The following THSD4 variants were observed in gnomAD, a reference collection of about 807,000 sequenced individuals.
The protein encoded by THSD4 is thrombospondin type-1 domain-containing protein 4.
In THSD4, 69 loss-of-function variants were observed where a neutral mutation model predicts 119.0. That is an observed-to-expected ratio of 0.58 (90% CI 0.48 to 0.71). The LOEUF is 0.71. THSD4 is among the 30% of genes least tolerant of loss of function. The pLI is 0.00. For synonymous variants in THSD4, 524 were observed against 540.4 expected (o/e 0.97, Z 0.42); for missense variants, 1,393 against 1,391.1 (o/e 1.00, Z -0.02).
At chr15:71,385,518 A>G (rs962996095) in intron 6 of THSD4, among the ~76,000 whole-genome samples, 1 of 152,222 alleles carries the variant, frequency 6.6e-6, no homozygotes, top group Non-Finnish European at 1.5e-5. Flanking sequence ...ACAAAAAGGG[A>G]AGGATTGTAC....
chr15:71,300,243 G>A (rs1466547826), intron 6 of THSD4, among the ~76,000 whole-genome samples: 2 of 151,996 alleles, frequency 1.3e-5, no homozygotes, highest in Non-Finnish European at 2.9e-5. Flanking sequence ...AAAAAATAAT[G>A]TGTTTAAGGG....
chr15:71,265,419 A>G (rs1444221416), intron 6 of THSD4, among the ~76,000 whole-genome samples: 1 of 152,106 alleles, frequency 6.6e-6, no homozygotes. Flanking sequence ...GGTGCACTCT[A>G]GCCCAGATAC....
chr15:71,718,792 AC>A (rs1481919897), intron 8 of THSD4, among the ~76,000 whole-genome samples: 1 of 151,724 alleles, frequency 6.6e-6, no homozygotes, highest in Non-Finnish European at 1.5e-5. Context: ...CTGTCCGGTG[AC>A]CCACTCCTCC....
At chr15:71,657,439 CAT>C (rs2051213051) in intron 7 of THSD4, among the ~76,000 whole-genome samples, 1 of 152,174 alleles carries the variant, frequency 6.6e-6, no homozygotes, top group South Asian at 2.1e-4. Context: ...GGACAGTTGT[CAT>C]GTGTGTAATT....
chr15:71,776,787 T>C (rs947189229), intron 17 of THSD4, among the ~76,000 whole-genome samples: 1 of 152,218 alleles, frequency 6.6e-6, no homozygotes, highest in African/African-American at 2.4e-5. Context: ...AATGAAAATA[T>C]AGCATTCATC....
chr15:71,143,685 CTTTTTTTTTTCTTTCTTTT>C (rs2040627277), intron 2 of THSD4, among the ~76,000 whole-genome samples: 1 of 114,962 alleles, frequency 8.7e-6, no homozygotes. Context: ...TTTTTTCTTT[CTTTTTTTTTTCTTTCTTTT>C]TTTTTTTTTT....
At chr15:71,484,018 ATACTC>A (rs1283563320) in intron 7 of THSD4, among the ~76,000 whole-genome samples, 3 of 152,174 alleles carry the variant, frequency 2.0e-5, no homozygotes, top group East Asian at 3.8e-4. Flanking sequence ...AAGTGAGAAA[ATACTC>A]TATAAAGAGG....
At chr15:71,377,914 A>ACACAC (rs57687864) in intron 6 of THSD4, among the ~76,000 whole-genome samples, 1 of 146,146 alleles carries the variant, frequency 6.8e-6, no homozygotes, top group Non-Finnish European at 1.5e-5. Flanking sequence ...ACACACACAC[A>ACACAC]ATTTCCTTCA....
At chr15:71,187,914 A>C (rs1476533745) in intron 3 of THSD4, among the ~76,000 whole-genome samples, 1 of 152,182 alleles carries the variant, frequency 6.6e-6, no homozygotes, top group African/African-American at 2.4e-5. Flanking sequence ...GCTGAGAGGG[A>C]TATAAACAGA....
chr15:71,405,743 C>A (rs899865139), intron 6 of THSD4, among the ~76,000 whole-genome samples: 2 of 152,100 alleles, frequency 1.3e-5, no homozygotes, highest in African/African-American at 4.8e-5. Context: ...GGGAGTTTGC[C>A]ATCTTAACAA....
In THSD4 at chr15:71,316,524, A is replaced by G. The variant is rs143296385; in HGVS notation, c.1015+59809A>G. On this transcript the variant is annotated intron_variant, in intron 6 of 17. Transcript: ENST00000261862. ...GTGAGTGATACAAAATTGTCACTCT[A>G]CAGAGTTCTAGGTGTCATTTGGCTC... Among the ~76,000 whole-genome samples, 654 of 149,632 alleles carry G rather than the reference A, an allele frequency of 4.4e-3. 3 individuals are homozygous for G. Among genetic ancestry groups the G allele is most frequent in the African/African-American group, 0.015 (626 of 40,496 alleles).
chr15:71,148,521 T>C (rs1018630621), intron 2 of THSD4, among the ~76,000 whole-genome samples: 15 of 152,236 alleles, frequency 9.9e-5, no homozygotes, highest in Non-Finnish European at 1.5e-5. Flanking sequence ...ATGCATTTTT[T>C]TTTTAAGTTT....
intron 8 of THSD4, among the ~76,000 whole-genome samples, chr15:71,721,416 G>A (rs2052719885): frequency 6.6e-6 from 1 of 152,212 alleles, no homozygotes; most frequent in African/African-American, 2.4e-5. Flanking sequence ...GCTGAGACAG[G>A]AGAATCACTT....
chr15:71,635,364 A>AACACACAC lies in THSD4; in HGVS notation c.1153-25147_1153-25140dup, dbSNP rs10565218. Among the ~76,000 whole-genome samples, 69 of 150,288 alleles carry AACACACAC rather than the reference A, an allele frequency of 4.6e-4. No homozygotes were observed. The South Asian group carries it at 0.014, about 30-fold the overall frequency. On this transcript the variant is annotated intron_variant, in intron 7 of 17. Transcript: ENST00000261862. ...CCAAGCAGGAGATTTAGTGGGTGGG[A>AACACACAC]ACACACACACACACACACACACACA...
intron 7 of THSD4, among the ~76,000 whole-genome samples, chr15:71,576,369 A>G (rs1261867677): frequency 6.6e-6 from 1 of 152,178 alleles, no homozygotes; most frequent in Non-Finnish European, 1.5e-5. Context: ...TGTTTAGGAA[A>G]ACAGTTTAAG....
At chr15:71,669,493 T>G (rs1473700097) in intron 8 of THSD4, among the ~76,000 whole-genome samples, 2 of 152,114 alleles carry the variant, frequency 1.3e-5, no homozygotes, top group African/African-American at 4.8e-5. Flanking sequence ...TATACACAAT[T>G]CTGTCCTTTT....
chr15:71,232,826 G>C (rs188753219), intron 4 of THSD4, among the ~76,000 whole-genome samples: 120 of 152,302 alleles, frequency 7.9e-4, no homozygotes, highest in African/African-American at 2.8e-3. Flanking sequence ...AGCCAGGTGG[G>C]TCTTTCAAAT....
At chr15:71,623,613 A>G (rs1172887139) in intron 7 of THSD4, among the ~76,000 whole-genome samples, 1 of 152,172 alleles carries the variant, frequency 6.6e-6, no homozygotes, top group Non-Finnish European at 1.5e-5. Flanking sequence ...TATTTCATCA[A>G]AAAAGTTTAA....
chr15:71,699,642 A>G (rs931864990), intron 8 of THSD4, among the ~76,000 whole-genome samples: 3 of 152,176 alleles, frequency 2.0e-5, no homozygotes, highest in Non-Finnish European at 4.4e-5. Flanking sequence ...CATGCCTGGA[A>G]GTGCCAAGCA....
Sources: allele counts gnomAD v4.1 joint callset (sites outside exome capture counted in the v4.1 genomes callset), GRCh38; gene constraint gnomAD v4.1.1; transcripts MANE v1.5; gene names NCBI Gene and HGNC (gene_info 2026-07-23, HGNC 2026-07-21).